DYM: variants seen among roughly 807,000 people sequenced by gnomAD.
The protein encoded by DYM is dyggve-Melchior-Clausen syndrome protein.
In DYM, 78 loss-of-function variants were observed where a neutral mutation model predicts 93.1. The ratio of observed to expected loss-of-function variants is 0.84; its 90% CI spans 0.70 to 1.01. DYM has a LOEUF of 1.01. Among genes scored for constraint, DYM ranks in the 50% least tolerant of loss-of-function variants. DYM has a pLI of 0.00. For synonymous variants in DYM, 321 were observed against 319.7 expected, an observed-to-expected ratio of 1.00 and a Z score of -0.04; for missense variants, 789 against 845.0, an observed-to-expected ratio of 0.93 and a Z score of 0.82.
chr18:49,433,301 G>T (rs934986106), intron 1 of DYM, among the ~76,000 whole-genome samples: 1 of 152,160 alleles, frequency 6.6e-6, no homozygotes, highest in African/African-American at 2.4e-5. Flanking sequence ...AAATAATTTC[G>T]TATAGACTAC....
Position 49,286,416 on chromosome 18 carries a change from A to AG in DYM, c.946+17dup. Reference sequence around the variant, plus strand: ...CTCTCCCCATTACAAAGAATATTAGAGAAAAAATACCACAAACCTTGTGTG... The same window carrying AG: ...CTCTCCCCATTACAAAGAATATTAGAGGAAAAAATACCACAAACCTTGTGTG... On this transcript the variant is annotated intron_variant, in intron 9 of 17. Coordinates refer to ENST00000675505, the MANE Select transcript of DYM (RefSeq NM_001353214.3). The AG allele has an allele frequency of 6.2e-7, 1 of 1,613,878 alleles. No individual in the cohort carries two copies. The highest frequency in any genetic ancestry group is 8.5e-7 in the Non-Finnish European group (1 of 1,179,752).
At chr18:49,106,232 C>A (rs974008855) in intron 16 of DYM, among the ~76,000 whole-genome samples, 1 of 152,094 alleles carries the variant, frequency 6.6e-6, no homozygotes, top group East Asian at 1.9e-4. Flanking sequence ...GATTGCAACC[C>A]CTGCCTTTTG....
chr18:49,079,900 G>A lies in DYM; in HGVS notation c.2025+17502C>T, dbSNP rs562321691. On this transcript the variant is annotated intron_variant, in intron 17 of 17. Coordinates refer to ENST00000675505, the MANE Select transcript of DYM (RefSeq NM_001353214.3). ...AAAACCGCCATTGTCATCCCGGCCC[G>A]TTCTCAATGAGCTGTTGGGTACACC... Among the ~76,000 whole-genome samples the A allele has an allele frequency of 9.4e-3, 1,428 of 151,304 alleles. 36 individuals are homozygous for A. Among genetic ancestry groups the A allele is most frequent in the South Asian group, 0.07 (335 of 4,766 alleles).
At chr18:49,090,615 G>A (rs2078959523) in intron 17 of DYM, among the ~76,000 whole-genome samples, 1 of 152,324 alleles carries the variant, frequency 6.6e-6, no homozygotes, top group South Asian at 2.1e-4. Flanking sequence ...ATGGATCAGG[G>A]AAAGTAGAGA....
intron 6 of DYM, among the ~76,000 whole-genome samples, chr18:49,337,678 G>T (rs2063773382): frequency 6.6e-6 from 1 of 152,174 alleles, no homozygotes; most frequent in Non-Finnish European, 1.5e-5. Flanking sequence ...TCCTAGTGAA[G>T]AGTCAGCGGA....
At chr18:49,058,692 C>T (rs868112592) in intron 17 of DYM, among the ~76,000 whole-genome samples, 2 of 152,162 alleles carry the variant, frequency 1.3e-5, no homozygotes, top group African/African-American at 2.4e-5. Context: ...ATTTGTTATA[C>T]ACTGTAAGCA....
At chr18:49,412,648 C>G (rs1304154958) in intron 2 of DYM, among the ~76,000 whole-genome samples, 1 of 152,120 alleles carries the variant, frequency 6.6e-6, no homozygotes, top group African/African-American at 2.4e-5. Flanking sequence ...GGTTTAGCAG[C>G]GATCCCAGGC....
intron 3 of DYM, among the ~76,000 whole-genome samples, chr18:49,390,200 A>C (rs964666530): frequency 1.3e-5 from 2 of 152,210 alleles, no homozygotes; most frequent in Non-Finnish European, 2.9e-5. Flanking sequence ...AGGTAGGAGG[A>C]GGAAGGCTTG....
intron 13 of DYM, among the ~76,000 whole-genome samples, chr18:49,215,159 C>T (rs1275352725): frequency 6.6e-6 from 1 of 152,218 alleles, no homozygotes; most frequent in African/African-American, 2.4e-5. Flanking sequence ...GAATTCAGTA[C>T]ACAAAGTCTA....
At chr18:49,168,526 G>C (rs1217513997) in intron 14 of DYM, among the ~76,000 whole-genome samples, 1 of 152,158 alleles carries the variant, frequency 6.6e-6, no homozygotes, top group East Asian at 1.9e-4. Flanking sequence ...TACACAGATG[G>C]TGGCAGGAGA....
intron 2 of DYM, among the ~76,000 whole-genome samples, chr18:49,412,172 G>A (rs139573809): frequency 8.6e-4 from 129 of 149,720 alleles, no homozygotes; most frequent in African/African-American, 3.0e-3. Flanking sequence ...ATGTCAAAAT[G>A]TCAGCAACTA....
chr18:49,044,302 A>C (rs2071184508), intron 17 of DYM, 98 bp from the exon 18 acceptor site: 1 of 1,363,994 alleles, frequency 7.3e-7, no homozygotes, highest in African/African-American at 1.4e-5. Context: ...CGGGGAGCCC[A>C]CCCACCCCTG....
intron 16 of DYM, chr18:49,114,671 G>C (rs766445669): frequency 5.7e-6 from 2 of 353,374 alleles, no homozygotes; most frequent in Non-Finnish European, 7.4e-6. Context: ...TTTTTCTTTC[G>C]TGTGTGTGTG....
rs149625874 is a variant in DYM at position 49,221,812 on chromosome 18, C to T, written c.1461-12097G>A. Among the ~76,000 whole-genome samples, 1,418 of 151,876 alleles carry T rather than the reference C, an allele frequency of 9.3e-3. 20 individuals carry two copies. Among genetic ancestry groups the T allele is most frequent in the African/African-American group, 0.032 (1,327 of 41,408 alleles). ...AGGAGATATACCTAATGCTAAATGA[C>T]GAGTTAATGGGTGGAGCACACCAGC... is the stretch of plus-strand genomic sequence containing the variant. On this transcript the variant is annotated intron_variant, in intron 13 of 17. Transcript: ENST00000675505.
chr18:49,289,763 ATATATATAT>A (rs1263910430), intron 8 of DYM, among the ~76,000 whole-genome samples: 3 of 58,496 alleles, frequency 5.1e-5, no homozygotes, highest in African/African-American at 7.6e-5. Context: ...ATATATATAT[ATATATATAT>A]ACACATATAT....
intron 13 of DYM, among the ~76,000 whole-genome samples, chr18:49,251,593 G>C (rs893755703): frequency 1.3e-5 from 2 of 152,208 alleles, no homozygotes; most frequent in Admixed American, 1.3e-4. Context: ...TGCTCAGCCA[G>C]CTAATGCTTA....
intron 14 of DYM, among the ~76,000 whole-genome samples, chr18:49,207,037 T>A (rs1245045555): frequency 1.3e-5 from 2 of 152,238 alleles, no homozygotes; most frequent in Non-Finnish European, 2.9e-5. Flanking sequence ...TTTCTCCTCA[T>A]TTTTAAACTT....
At chr18:49,441,248 A>G (rs1327170751) in intron 1 of DYM, among the ~76,000 whole-genome samples, 1 of 39,858 alleles carries the variant, frequency 2.5e-5, no homozygotes, top group Non-Finnish European at 4.2e-5. Context: ...TATACATAAT[A>G]TTGTTATATA....
intron 6 of DYM, among the ~76,000 whole-genome samples, chr18:49,354,704 A>T (rs1489263596): frequency 6.6e-6 from 1 of 152,130 alleles, no homozygotes; most frequent in East Asian, 1.9e-4. Context: ...GTCATTAGGG[A>T]ACTGCAAATT....
Sources: gnomAD v4.1 joint callset for allele counts (sites outside exome capture counted in the v4.1 genomes callset) on GRCh38, gnomAD v4.1.1 for gene constraint, MANE v1.5 for transcripts, NCBI Gene and HGNC (gene_info 2026-07-23, HGNC 2026-07-21) for gene names.